Variants in ETS1 observed in about 807,000 individuals in gnomAD.
The protein encoded by ETS1 is ETS proto-oncogene 1, transcription factor.
A neutral mutation model predicts 58.6 loss-of-function variants in ETS1; 15 were observed. That is an observed-to-expected ratio of 0.26 (90% confidence interval 0.17 to 0.39). The LOEUF is 0.39. ETS1 is among the 10% of genes least tolerant of loss of function. The probability of loss-of-function intolerance (pLI) is 1.00; values close to 1 mark genes in which losing one functional copy is unlikely to be tolerated. For synonymous variants in ETS1, 214 were observed against 218.2 expected, an observed-to-expected ratio of 0.98 and a Z score of 0.17; for missense variants, 417 against 610.5, an observed-to-expected ratio of 0.68 and a Z score of 3.34.
At chr11:128,478,562 C>T (rs879385517) in intron 8 of ETS1, among the ~76,000 whole-genome samples, 2 of 152,144 alleles carry the variant, frequency 1.3e-5, no homozygotes, top group African/African-American at 2.4e-5. Context: ...TTTCTCTGCA[C>T]CACAAAAACA....
intron 3 of ETS1, chr11:128,521,903 C>G: frequency 6.3e-7 from 1 of 1,590,932 alleles, no homozygotes; most frequent in Non-Finnish European, 8.6e-7. Context: ...CCTCGGCCGT[C>G]GCCACTCACC....
chr11:128,501,608 C>T (rs1863091411), intron 3 of ETS1, among the ~76,000 whole-genome samples: 1 of 152,300 alleles, frequency 6.6e-6, no homozygotes, highest in East Asian at 1.9e-4. Flanking sequence ...TTTCTCTATT[C>T]TAAGCCCCTA....
chr11:128,473,134 G>T (rs1250664230), intron 8 of ETS1, among the ~76,000 whole-genome samples: 1 of 152,182 alleles, frequency 6.6e-6, no homozygotes, highest in Non-Finnish European at 1.5e-5. Context: ...GTATATGAAG[G>T]AGTCTAAGCA....
intron 3 of ETS1, among the ~76,000 whole-genome samples, chr11:128,542,576 AC>A (rs201659042): frequency 6.7e-6 from 1 of 149,664 alleles, no homozygotes; most frequent in South Asian, 2.1e-4. Context: ...TAAAAAAAAA[AC>A]AAAACAAAAC....
At chr11:128,554,684 A>G (rs753365942) in intron 3 of ETS1, among the ~76,000 whole-genome samples, 17 of 152,008 alleles carry the variant, frequency 1.1e-4, no homozygotes, top group Non-Finnish European at 2.5e-4. Flanking sequence ...TCAGATGTTA[A>G]TAAGATGTAA....
Position 128,548,474 on chromosome 11 carries a change from C to T in ETS1, c.214+7817G>A, listed in dbSNP as rs548416780. ...TGGGTGGCAGAGCTGAAACCTGTGC[C>T]CCAAACAGCCCTACCCAGCTCTCTT... On this transcript the variant is annotated intron_variant, in intron 3 of 9. Transcript: ENST00000392668. Among the ~76,000 whole-genome samples, 14 of 152,238 alleles carry T rather than the reference C, an allele frequency of 9.2e-5. No individual in the cohort carries two copies. In the South Asian group the frequency reaches 2.7e-3, roughly 29 times the overall value.
At chr11:128,548,948 A>C (rs1166142920) in intron 3 of ETS1, among the ~76,000 whole-genome samples, 1 of 151,502 alleles carries the variant, frequency 6.6e-6, no homozygotes, top group Non-Finnish European at 1.5e-5. Flanking sequence ...GAAATAAAAA[A>C]TCTGCTGGTG....
At position 128,556,359 on chromosome 11, in the gene ETS1, G is replaced by C; in HGVS notation, c.146C>G (p.Pro49Arg). 1 of 1,612,968 alleles carries C rather than the reference G, an allele frequency of 6.2e-7. No homozygotes were observed. ...CATCTCATCCCAAAAGGGGTAGCAA[G>C]GTCTTTGCTGGTGATAATTGGACTG... ...GFQSNYHQQR[P>R]CYPFWDEMAT... is the part of the protein sequence containing the mutation. The change falls in exon 3 of 10, where the codon CCT becomes CGT. Residue 49 changes from proline to arginine, a missense_variant. By Grantham distance (103) the Pro-to-Arg change is moderately radical. Around this residue, in one of 4 missense-constraint regions of ETS1, gnomAD observed 90 missense variants for 90.3 expected, o/e 1.00. Coordinates refer to ENST00000392668, the MANE Select transcript of ETS1 (RefSeq NM_001143820.2).
intron 3 of ETS1, among the ~76,000 whole-genome samples, chr11:128,506,073 A>G (rs913969887): frequency 6.6e-6 from 1 of 152,158 alleles, no homozygotes; most frequent in African/African-American, 2.4e-5. Flanking sequence ...CAAGCTCCAG[A>G]TCAGGAATAC....
Position 128,458,947 on chromosome 11 carries a change from A to T in ETS1, c.*3414T>A, listed in dbSNP as rs1861836670. ...TTTTTTTAAAAAAACATCGACACTT[A>T]CATCGCTACATCTCTAAGCTACCTC... On this transcript the variant is annotated 3_prime_UTR_variant, in exon 10 of 10. Coordinates refer to ENST00000392668, the MANE Select transcript of ETS1 (RefSeq NM_001143820.2). The surrounding 1 kb of genome is among the most constrained non-coding windows in gnomAD (Gnocchi z 4.3). The T allele has an allele frequency of 6.6e-6, 1 of 152,664 alleles. No homozygotes were observed. The highest frequency in any genetic ancestry group is 2.1e-4 in the South Asian group (1 of 4,834). The allele number at this position is 152,664 out of a possible 1,614,324, so 9.5% of individuals were successfully genotyped here.
chr11:128,486,043 G>A, intron 6 of ETS1, 26 bp downstream of exon 6: 1 of 1,469,936 alleles, frequency 6.8e-7, no homozygotes. Context: ...ATTATCATGA[G>A]AGAAGAGGGG....
At chr11:128,496,454 G>T (rs1012600406) in intron 3 of ETS1, among the ~76,000 whole-genome samples, 1 of 152,170 alleles carries the variant, frequency 6.6e-6, no homozygotes, top group African/African-American at 2.4e-5. Flanking sequence ...CAGAAGGGCA[G>T]TGTGAAAGGT....
intron 3 of ETS1, among the ~76,000 whole-genome samples, chr11:128,539,728 T>C (rs1042374600): frequency 1.3e-5 from 2 of 152,184 alleles, no homozygotes; most frequent in African/African-American, 4.8e-5. Flanking sequence ...AGCACCTAAA[T>C]GGCCATCAAA....
chr11:128,492,746 C>A (rs1862835551), intron 3 of ETS1, among the ~76,000 whole-genome samples: 1 of 152,152 alleles, frequency 6.6e-6, no homozygotes, highest in African/African-American at 2.4e-5. Flanking sequence ...CCTCCAAGAA[C>A]AGCTAAGCGG....
rs777840702 is a variant in ETS1, at chr11:128,480,381, G to C, written c.933C>G (p.Ser311=). The change falls in exon 8 of 10, where the codon TCC becomes TCG. Residue 311 remains serine, a synonymous_variant. Transcript: ENST00000392668. The stretch of plus-strand genomic sequence containing the variant: ...TGTTGAAAGATGACTGGCTGCTCCA[G>C]GACTGGGTGAGGCGATCACAACTAT... ...SYDSCDRLTQ[S]WSSQSSFNSL... The C allele has an allele frequency of 1.2e-6, 2 of 1,614,096 alleles. No individual in the cohort carries two copies. The highest frequency in any genetic ancestry group is 1.7e-5 in the Admixed American group (1 of 60,026).
chr11:128,484,851 G>A lies in ETS1; in HGVS notation c.834C>T (p.Asp278=). ...FAIKQEVVTP[D]NMCMGRTSRG... ...GACTGGTCCTCCCCATGCACATGTT[G>A]TCTGGGGTGACGACTTCTTGTTTGA... The change falls in exon 7 of 10, where the codon GAC becomes GAT. Residue 278 remains aspartate (D), a synonymous_variant. Transcript: ENST00000392668. 6.2e-7 allele frequency: 1 copy of A among 1,614,098 alleles called. No individual in the cohort carries two copies. Among genetic ancestry groups the A allele is most frequent in the South Asian group, 1.1e-5 (1 of 91,068 alleles).
intron 1 of ETS1, among the ~76,000 whole-genome samples, chr11:128,586,097 G>A (rs1032910761): frequency 2.0e-5 from 3 of 152,176 alleles, no homozygotes; most frequent in Non-Finnish European, 2.9e-5. Flanking sequence ...TTAGGCTCTC[G>A]GCTTGGCTTC....
intron 3 of ETS1, among the ~76,000 whole-genome samples, chr11:128,491,387 G>A (rs1227500768): frequency 6.6e-6 from 1 of 152,194 alleles, no homozygotes; most frequent in Non-Finnish European, 1.5e-5. Context: ...ATGTCAATAA[G>A]GGCTTCAAAG....
Position 128,522,018 on chromosome 11 carries a change from G to A in ETS1, c.215-31442C>T, listed in dbSNP as rs866933907. Reference sequence around the variant, plus strand: ...ATGGTGCCAGGAGTGGGGGACGTACGGGATGGTAGCAAGTTTGCAGTTACT... The same window carrying A: ...ATGGTGCCAGGAGTGGGGGACGTACAGGATGGTAGCAAGTTTGCAGTTACT... On this transcript the variant is annotated intron_variant, in intron 3 of 9. Transcript: ENST00000392668. The A allele has an allele frequency of 1.2e-5, 19 of 1,570,638 alleles. 1 individual carries two copies. The Middle Eastern group carries it at 2.7e-3, about 224-fold the overall frequency.
Sources: gnomAD v4.1 joint callset for allele counts (sites outside exome capture counted in the v4.1 genomes callset) on GRCh38, gnomAD v4.1.1 for gene constraint, gnomAD v4.1.1 regional missense constraint, Gnocchi (gnomAD v3.1) non-coding constraint, MANE v1.5 for transcripts, NCBI Gene and HGNC (gene_info 2026-07-23, HGNC 2026-07-21) for gene names.